The following XDH variants were observed in gnomAD, a reference collection of about 807,000 sequenced individuals.
XDH encodes xanthine dehydrogenase/oxidase.
A neutral mutation model predicts 156.1 loss-of-function variants in XDH; 138 were observed. The ratio of observed to expected loss-of-function variants is 0.88; its 90% CI spans 0.77 to 1.02. XDH has a LOEUF of 1.02. Among genes scored for constraint, XDH ranks in the 50% least tolerant of loss-of-function variants. The pLI is 0.00. For synonymous variants in XDH, 669 were observed against 625.7 expected (o/e 1.07, Z -1.03); for missense variants, 1,849 against 1,684.9 (o/e 1.10, Z -1.71).
intron 3 of XDH, among the ~76,000 whole-genome samples, chr2:31,401,681 A>G (rs1687064989): frequency 6.6e-6 from 1 of 152,228 alleles, no homozygotes; most frequent in Admixed American, 6.5e-5. Flanking sequence ...GGCAGGCTGC[A>G]GCCTTAAAGC....
chr2:31,353,799 G>T (rs1025610353), intron 24 of XDH, among the ~76,000 whole-genome samples: 4 of 152,158 alleles, frequency 2.6e-5, no homozygotes, highest in Non-Finnish European at 5.9e-5. Flanking sequence ...ACCTGCAAAA[G>T]CTCAGTAGGA....
intron 21 of XDH, 42 bp downstream of exon 21, chr2:31,366,828 G>T (rs751136072): frequency 6.2e-7 from 1 of 1,612,918 alleles, no homozygotes; most frequent in Non-Finnish European, 8.5e-7. Context: ...GGAGCTCCCC[G>T]CTACCCTGAC....
At position 31,372,309 on chromosome 2, in the gene XDH, A is replaced by T. The variant is rs929836524; in HGVS notation, c.1775T>A (p.Val592Glu). 8 of 1,614,084 alleles carry T rather than the reference A, an allele frequency of 5.0e-6. No individual in the cohort carries two copies. Among genetic ancestry groups the T allele is most frequent in the Non-Finnish European group, 5.9e-6 (7 of 1,180,042 alleles). The change falls in exon 17 of 36, where the codon GTG becomes GAG. Residue 592 changes from valine to glutamate, a missense_variant. Coordinates refer to ENST00000379416, the MANE Select transcript of XDH (RefSeq NM_000379.4). ...AADMQASGEA[V>E]YCDDIPRYEN... The stretch of plus-strand genomic sequence containing the variant: ...GTAGCGAGGAATGTCGTCACAGTAC[A>T]CGGCCTCACCAGAGGCCTGCATGTC...
intron 8 of XDH, among the ~76,000 whole-genome samples, chr2:31,386,978 GGGAGGGAAGAAAGGAAGGAA>G (rs1686620716): frequency 9.8e-6 from 1 of 102,244 alleles, no homozygotes; most frequent in Non-Finnish European, 2.1e-5. Flanking sequence ...GAGGGAGGGA[GGGAGGGAAGAAAGGAAGGAA>G]GGAAGGAAGG....
At chr2:31,385,929 A>G (rs1054973227) in intron 9 of XDH, among the ~76,000 whole-genome samples, 1 of 152,158 alleles carries the variant, frequency 6.6e-6, no homozygotes, top group Non-Finnish European at 1.5e-5. Flanking sequence ...TGGCCTAGAC[A>G]CTTTGCTTAA....
intron 24 of XDH, among the ~76,000 whole-genome samples, chr2:31,351,939 G>A (rs1273181653): frequency 6.6e-6 from 1 of 152,002 alleles, no homozygotes; most frequent in African/African-American, 2.4e-5. Context: ...TTGTCCTCAG[G>A]TTTCTAAATT....
chr2:31,338,360 T>C (rs1396984102), intron 34 of XDH, among the ~76,000 whole-genome samples: 3 of 152,208 alleles, frequency 2.0e-5, no homozygotes, highest in Non-Finnish European at 2.9e-5. Context: ...TCACTAAAGA[T>C]ACTTGCTGAA....
At chr2:31,395,032 C>G (rs1482198783) in intron 6 of XDH, among the ~76,000 whole-genome samples, 1 of 152,160 alleles carries the variant, frequency 6.6e-6, no homozygotes, top group East Asian at 1.9e-4. Context: ...CTATTTGACT[C>G]TGGTTCTGCT....
At position 31,373,966 on chromosome 2, in the gene XDH, C is replaced by A. The variant is rs747693184; in HGVS notation, c.1603-10G>T. On this transcript the variant is annotated splice_polypyrimidine_tract_variant and intron_variant, in intron 15 of 35. Transcript: ENST00000379416. ...CCAGTTTACCACACTTCTGTGGAGA[C>A]AAGAAAACAGAGGTGACCAGGATTA... 4 of 1,612,154 alleles carry A rather than the reference C, an allele frequency of 2.5e-6. No homozygotes were observed. In the Admixed American group the frequency reaches 5.0e-5, roughly 20 times the overall value.
At chr2:31,342,807 G>C (rs1685162694) in intron 31 of XDH, among the ~76,000 whole-genome samples, 1 of 152,090 alleles carries the variant, frequency 6.6e-6, no homozygotes, top group Non-Finnish European at 1.5e-5. Context: ...CCCACCTGCT[G>C]GTCCCTTTGA....
Position 31,383,107 on chromosome 2 carries a change from G to T in XDH, c.932C>A (p.Thr311Asn). 2 of 1,614,182 alleles carry T rather than the reference G, an allele frequency of 1.2e-6. No homozygotes were observed. The highest frequency in any genetic ancestry group is 1.7e-6 in the Non-Finnish European group (2 of 1,180,038). The change falls in exon 11 of 36, where the codon ACC (threonine) becomes AAC (asparagine). Residue 311 changes from threonine to asparagine, a missense_variant. Transcript: ENST00000379416. ...AACPLSIVEK[T>N]LVDAVAKLPA... ...AAGCTTAGCAACAGCATCCACCAGG[G>T]TTTTTTCCACAATGCTCAGGGGGCA...
At chr2:31,367,463 G>A (rs732437) in intron 20 of XDH, among the ~76,000 whole-genome samples, 2,389 of 152,288 alleles carry the variant, frequency 0.016, 63 homozygotes, top group African/African-American at 0.055. Context: ...AACAGCCAAT[G>A]TAAAAAACAG....
intron 6 of XDH, among the ~76,000 whole-genome samples, chr2:31,389,079 T>C (rs1686691462): frequency 6.6e-6 from 1 of 152,192 alleles, no homozygotes; most frequent in South Asian, 2.1e-4. Context: ...CCTGGAGTTG[T>C]GCTGAGATGA....
chr2:31,383,988 G>T, intron 9 of XDH, 141 bp from the exon 10 acceptor site: 2 of 812,262 alleles, frequency 2.5e-6, no homozygotes, highest in Non-Finnish European at 2.0e-6. Flanking sequence ...GTAGGTGTCT[G>T]GGAATAGGAA....
intron 19 of XDH, 96 bp from the exon 20 acceptor site, chr2:31,368,153 T>G (rs1685973068): frequency 8.9e-7 from 1 of 1,119,696 alleles, no homozygotes; most frequent in African/African-American, 1.5e-5. Context: ...AATTGTTGAC[T>G]CTCTCTTTCC....
At chr2:31,376,022 G>T (rs996319352) in intron 14 of XDH, among the ~76,000 whole-genome samples, 3 of 152,160 alleles carry the variant, frequency 2.0e-5, no homozygotes, top group East Asian at 1.9e-4. Context: ...GATCCTATGT[G>T]GGTGCTGTAA....
intron 24 of XDH, among the ~76,000 whole-genome samples, chr2:31,358,134 G>C (rs932924794): frequency 2.0e-5 from 3 of 152,002 alleles, no homozygotes; most frequent in African/African-American, 7.2e-5. Context: ...TCAACGGAAT[G>C]TACATTCTTC....
chr2:31,386,718 A>C (rs1686607020), intron 8 of XDH, among the ~76,000 whole-genome samples, 163 bp from the exon 9 acceptor site: 1 of 152,146 alleles, frequency 6.6e-6, no homozygotes, highest in Admixed American at 6.5e-5. Context: ...CAGGAACTCC[A>C]TTGGGACTAG....
chr2:31,396,978 C>A (rs1686926227), intron 6 of XDH, among the ~76,000 whole-genome samples: 1 of 152,182 alleles, frequency 6.6e-6, no homozygotes, highest in Admixed American at 6.5e-5. Flanking sequence ...CAGAATCAAA[C>A]TGAAATGAGA....
Sources: gnomAD v4.1 joint callset for allele counts (sites outside exome capture counted in the v4.1 genomes callset) on GRCh38, gnomAD v4.1.1 for gene constraint, MANE v1.5 for transcripts, NCBI Gene and HGNC (gene_info 2026-07-23, HGNC 2026-07-21) for gene names.